Variants in FANCL observed in about 807,000 individuals in gnomAD.
FANCL encodes the protein FA complementation group L.
In FANCL, 69 loss-of-function variants were observed where a neutral mutation model predicts 59.4. The ratio of observed to expected loss-of-function variants is 1.16; its 90% CI spans 0.96 to 1.42. The LOEUF is 1.42. Among genes scored for constraint, FANCL ranks in the 40% most tolerant of loss-of-function variants. The pLI is 0.00. For synonymous variants in FANCL, 180 were observed against 147.1 expected, an observed-to-expected ratio of 1.22 and a Z score of -1.62; for missense variants, 519 against 447.2, an observed-to-expected ratio of 1.16 and a Z score of -1.45.
chr2:58,195,459 C>A (rs984893821), intron 7 of FANCL, among the ~76,000 whole-genome samples: 3 of 152,076 alleles, frequency 2.0e-5, no homozygotes, highest in African/African-American at 7.2e-5. Flanking sequence ...CTATCTCATA[C>A]TTAAATACTT....
chr2:58,241,360 C>G (rs1398185940), upstream of FANCL: 2 of 1,578,306 alleles, frequency 1.3e-6, no homozygotes, highest in South Asian at 2.2e-5. Flanking sequence ...CCTGCTGGGT[C>G]CTGCACATGC....
intron 7 of FANCL, among the ~76,000 whole-genome samples, chr2:58,182,050 C>G (rs1004590566): frequency 6.6e-6 from 1 of 151,712 alleles, no homozygotes; most frequent in Admixed American, 6.6e-5. Context: ...TTTGAAATGT[C>G]TATGATAAGC....
chr2:58,226,664 G>C, intron 4 of FANCL, 64 bp downstream of exon 4: 1 of 1,198,176 alleles, frequency 8.3e-7, no homozygotes, highest in Non-Finnish European at 1.2e-6. Context: ...TTTTAAAGGA[G>C]TTACAAAAAA....
At chr2:58,176,599 C>G (rs1223216930) in intron 7 of FANCL, among the ~76,000 whole-genome samples, 3 of 152,148 alleles carry the variant, frequency 2.0e-5, no homozygotes, top group African/African-American at 7.2e-5. Flanking sequence ...GAAACCGGAT[C>G]CCTTCCTTAC....
intron 1 of FANCL, among the ~76,000 whole-genome samples, chr2:58,239,637 T>C (rs941933820): frequency 6.6e-6 from 1 of 152,222 alleles, no homozygotes; most frequent in East Asian, 1.9e-4. Context: ...ATCCTGATTT[T>C]AATCACTGTA....
rs146210982 is a variant in FANCL, at chr2:58,185,256, C to G, written c.540+13338G>C. On this transcript the variant is annotated intron_variant, in intron 7 of 13. Transcript: ENST00000233741. Reference sequence around the variant, plus strand: ...GCATAAAGATATTAAGAGATCAATCCAATATTAAGTTCTCCTAAGGCACTT... The same window carrying G: ...GCATAAAGATATTAAGAGATCAATCGAATATTAAGTTCTCCTAAGGCACTT... Among the ~76,000 whole-genome samples, 493 of 152,174 alleles carry G rather than the reference C, an allele frequency of 3.2e-3. 1 individual carries two copies. The highest frequency in any genetic ancestry group is 0.014 in the Middle Eastern group (4 of 294).
intron 1 of FANCL, among the ~76,000 whole-genome samples, chr2:58,234,262 C>T (rs1364974663): frequency 1.3e-5 from 2 of 151,564 alleles, no homozygotes; most frequent in East Asian, 3.9e-4. Flanking sequence ...CAGATTCAGA[C>T]ATTTTAAAAC....
intron 1 of FANCL, among the ~76,000 whole-genome samples, chr2:58,236,658 C>T (rs748786098): frequency 1.3e-5 from 2 of 151,850 alleles, no homozygotes; most frequent in Non-Finnish European, 2.9e-5. Flanking sequence ...TGTAAATAGT[C>T]GAAGCACCCC....
intron 5 of FANCL, among the ~76,000 whole-genome samples, chr2:58,210,767 C>A (rs1224840224): frequency 6.6e-6 from 1 of 152,162 alleles, no homozygotes; most frequent in Non-Finnish European, 1.5e-5. Context: ...GAGCTACAGG[C>A]CCCATGCAAG....
At chr2:58,235,534 G>A (rs1693932435) in intron 1 of FANCL, among the ~76,000 whole-genome samples, 1 of 152,054 alleles carries the variant, frequency 6.6e-6, no homozygotes, top group South Asian at 2.1e-4. Flanking sequence ...TAATTTAACT[G>A]TAGCTCACAA....
At chr2:58,226,375 A>G (rs916973130) in intron 4 of FANCL, among the ~76,000 whole-genome samples, 1 of 152,178 alleles carries the variant, frequency 6.6e-6, no homozygotes, top group African/African-American at 2.4e-5. Context: ...GCTATACACA[A>G]AATTATTTAT....
intron 1 of FANCL, 114 bp downstream of exon 1, chr2:58,241,104 C>T: frequency 9.1e-7 from 1 of 1,097,404 alleles, no homozygotes; most frequent in Non-Finnish European, 1.4e-6. Context: ...TACGCGCCGC[C>T]CCTCTCAATC....
At chr2:58,220,026 G>A (rs953348392) in intron 5 of FANCL, among the ~76,000 whole-genome samples, 10 of 151,672 alleles carry the variant, frequency 6.6e-5, no homozygotes, top group South Asian at 2.1e-4. Flanking sequence ...AAAGTAGCTC[G>A]GTTCTAATAT....
intron 5 of FANCL, among the ~76,000 whole-genome samples, chr2:58,204,572 T>G (rs1690391137): frequency 6.6e-6 from 1 of 152,102 alleles, no homozygotes; most frequent in African/African-American, 2.4e-5. Flanking sequence ...AAACTTCCTG[T>G]CAAACTCTTT....
At chr2:58,185,834 T>C (rs1294564436) in intron 7 of FANCL, among the ~76,000 whole-genome samples, 1 of 152,190 alleles carries the variant, frequency 6.6e-6, no homozygotes, top group African/African-American at 2.4e-5. Flanking sequence ...GGGAATATAA[T>C]TTTAGTCAAG....
intron 5 of FANCL, among the ~76,000 whole-genome samples, chr2:58,217,919 A>C (rs1692013356): frequency 6.6e-6 from 1 of 152,266 alleles, no homozygotes; most frequent in South Asian, 2.1e-4. Context: ...GTGGAAATAG[A>C]ACACATACCA....
At chr2:58,196,994 A>T (rs1689498719) in intron 7 of FANCL, among the ~76,000 whole-genome samples, 1 of 151,866 alleles carries the variant, frequency 6.6e-6, no homozygotes, top group Admixed American at 6.6e-5. Flanking sequence ...AAAAAAAGAA[A>T]GCTATAAAAT....
intron 7 of FANCL, among the ~76,000 whole-genome samples, chr2:58,171,252 C>A (rs553841055): frequency 6.6e-6 from 1 of 152,296 alleles, no homozygotes; most frequent in South Asian, 2.1e-4. Context: ...AGAAACTGAA[C>A]AACCTTCTCC....
chr2:58,188,071 T>C (rs1431092557), intron 7 of FANCL, among the ~76,000 whole-genome samples: 2 of 152,240 alleles, frequency 1.3e-5, no homozygotes, highest in Admixed American at 1.3e-4. Context: ...ACATTGTTTA[T>C]AATTCATTGT....
Sources: gnomAD v4.1 joint callset for allele counts (sites outside exome capture counted in the v4.1 genomes callset) on GRCh38, gnomAD v4.1.1 for gene constraint, MANE v1.5 for transcripts, NCBI Gene and HGNC (gene_info 2026-07-23, HGNC 2026-07-21) for gene names.